SYN2: variants seen among roughly 807,000 people sequenced by gnomAD.
SYN2 encodes synapsin II.
SYN2 carries 19 observed loss-of-function variants against 50.9 expected under a neutral mutation model. That is an observed-to-expected ratio of 0.37 (90% CI 0.26 to 0.55). The LOEUF (loss-of-function observed/expected upper bound fraction) is 0.55, where lower values mean the gene tolerates loss of function less well. Among genes scored for constraint, SYN2 ranks in the 20% least tolerant of loss-of-function variants. The pLI, the probability that SYN2 is intolerant of heterozygous loss-of-function variation, is 0.81. For synonymous variants in SYN2, 255 were observed against 224.9 expected, an observed-to-expected ratio of 1.13 and a Z score of -1.20; for missense variants, 587 against 576.4, an observed-to-expected ratio of 1.02 and a Z score of -0.19.
intron 1 of SYN2, among the ~76,000 whole-genome samples, chr3:12,098,133 A>G (rs1278558635): frequency 6.6e-6 from 1 of 152,224 alleles, no homozygotes; most frequent in Non-Finnish European, 1.5e-5. Context: ...GAAAGTAGCA[A>G]AAGAGAAGTG....
At chr3:12,114,125 T>C (rs1017146560) in intron 1 of SYN2, among the ~76,000 whole-genome samples, 9 of 152,260 alleles carry the variant, frequency 5.9e-5, no homozygotes, top group Middle Eastern at 6.8e-3. Flanking sequence ...TCTTTTTTTT[T>C]TTTTATTGTA....
intron 2 of SYN2, 73 bp downstream of exon 2, chr3:12,140,781 T>A: frequency 1.4e-6 from 1 of 719,484 alleles, no homozygotes; most frequent in South Asian, 1.5e-5. Flanking sequence ...GTGAACCATC[T>A]CGTTCTGCTG....
intron 3 of SYN2, among the ~76,000 whole-genome samples, 181 bp downstream of exon 3, chr3:12,142,177 G>A (rs563324490): frequency 1.3e-5 from 2 of 152,310 alleles, no homozygotes; most frequent in Admixed American, 1.3e-4. Context: ...CCAGCTTCTC[G>A]CTGAGCTTAG....
intron 1 of SYN2, among the ~76,000 whole-genome samples, chr3:12,008,940 CCATT>C (rs1014451955): frequency 2.9e-4 from 44 of 152,250 alleles, no homozygotes; most frequent in African/African-American, 1.0e-3. Context: ...GTACCTGTCT[CCATT>C]CTTTTCTAGC....
At position 12,142,051 on chromosome 3, in the gene SYN2, C is replaced by G. The variant is rs1697031089; in HGVS notation, c.527+55C>G. The G allele has an allele frequency of 9.0e-6, 7 of 775,644 alleles. No individual in the cohort carries two copies. The South Asian group carries it at 9.4e-5, about 10-fold the overall frequency. 48.0% of individuals were successfully genotyped at this position (775,644 alleles called of 1,614,324 possible). ...GTGACTGTCTCCAGAGTTACTACCT[C>G]TGGCCCAAAGAGGTGGTTTCTAAGT... On this transcript the variant is annotated intron_variant, in intron 3 of 12. Coordinates refer to ENST00000621198, the MANE Select transcript of SYN2 (RefSeq NM_133625.6).
chr3:12,087,972 C>T (rs1370471699), intron 1 of SYN2, among the ~76,000 whole-genome samples: 1 of 150,384 alleles, frequency 6.6e-6, no homozygotes, highest in Non-Finnish European at 1.5e-5. Context: ...TGGTAAAACT[C>T]CTAAAAGAAA....
At chr3:12,139,836 A>G (rs893851575) in intron 1 of SYN2, among the ~76,000 whole-genome samples, 1 of 152,214 alleles carries the variant, frequency 6.6e-6, no homozygotes, top group Non-Finnish European at 1.5e-5. Flanking sequence ...AAGGAAATCT[A>G]ATGTGGGGAG....
At chr3:12,136,334 A>G (rs1696892101) in intron 1 of SYN2, among the ~76,000 whole-genome samples, 1 of 152,220 alleles carries the variant, frequency 6.6e-6, no homozygotes. Flanking sequence ...TACATAAAAC[A>G]CTTAGAATAG....
At chr3:12,010,822 TTGAA>T (rs530807147) in intron 1 of SYN2, among the ~76,000 whole-genome samples, 9 of 152,236 alleles carry the variant, frequency 5.9e-5, no homozygotes, top group Non-Finnish European at 1.2e-4. Context: ...AAGCTCACCT[TTGAA>T]TGGTCTTAAT....
intron 1 of SYN2, among the ~76,000 whole-genome samples, chr3:12,033,327 C>G (rs1400692363): frequency 6.6e-6 from 1 of 152,210 alleles, no homozygotes; most frequent in Non-Finnish European, 1.5e-5. Flanking sequence ...CTGCGTTGCT[C>G]ACGCTGGGAG....
At chr3:12,070,134 T>C in intron 1 of SYN2, 1 of 296,880 alleles carries the variant, frequency 3.4e-6, no homozygotes, top group Non-Finnish European at 6.7e-6. Flanking sequence ...TTCCTGATGG[T>C]TAATGACGTT....
chr3:12,178,798 A>G (rs185571674), intron 10 of SYN2, among the ~76,000 whole-genome samples: 2 of 152,360 alleles, frequency 1.3e-5, no homozygotes, highest in East Asian at 1.9e-4. Flanking sequence ...AAGCCTAACA[A>G]TCCTTATTTA....
chr3:12,045,623 A>G (rs1694720524), intron 1 of SYN2, among the ~76,000 whole-genome samples: 1 of 152,174 alleles, frequency 6.6e-6, no homozygotes, highest in Admixed American at 6.5e-5. Context: ...GCCCGTAGAC[A>G]ATTAATCTTC....
At chr3:12,060,357 C>A (rs1406340066) in intron 1 of SYN2, among the ~76,000 whole-genome samples, 1 of 152,118 alleles carries the variant, frequency 6.6e-6, no homozygotes, top group Non-Finnish European at 1.5e-5. Context: ...TAACAAAGAC[C>A]TACTCTCCAG....
At chr3:12,048,820 A>C (rs969554200) in intron 1 of SYN2, among the ~76,000 whole-genome samples, 1 of 152,236 alleles carries the variant, frequency 6.6e-6, no homozygotes, top group Non-Finnish European at 1.5e-5. Context: ...CTCGGGTTCA[A>C]ATCTAAGTTT....
At chr3:12,124,181 A>C (rs1696617985) in intron 1 of SYN2, among the ~76,000 whole-genome samples, 2 of 152,208 alleles carry the variant, frequency 1.3e-5, no homozygotes, top group South Asian at 4.1e-4. Flanking sequence ...AATCTAAAGC[A>C]AAACAAAATA....
intron 1 of SYN2, among the ~76,000 whole-genome samples, chr3:12,020,473 C>T (rs1260825243): frequency 6.6e-6 from 1 of 151,904 alleles, no homozygotes; most frequent in African/African-American, 2.4e-5. Context: ...AAGCACCTGG[C>T]CCTCTGACTC....
intron 5 of SYN2, among the ~76,000 whole-genome samples, chr3:12,155,924 C>T (rs1046652244): frequency 6.6e-6 from 1 of 152,174 alleles, no homozygotes; most frequent in Admixed American, 6.5e-5. Flanking sequence ...CTCTTCCATC[C>T]AGGAGCTCCT....
At chr3:12,041,182 C>T (rs941581204) in intron 1 of SYN2, among the ~76,000 whole-genome samples, 1 of 152,100 alleles carries the variant, frequency 6.6e-6, no homozygotes. Flanking sequence ...TGAAAGCTGC[C>T]GGATCATGGT....
Sources: allele counts gnomAD v4.1 joint callset (sites outside exome capture counted in the v4.1 genomes callset), GRCh38; gene constraint gnomAD v4.1.1; transcripts MANE v1.5; gene names NCBI Gene and HGNC (gene_info 2026-07-23, HGNC 2026-07-21).